CALD1: variants seen among roughly 807,000 people sequenced by gnomAD.
CALD1 encodes the protein caldesmon.
CALD1 carries 33 observed loss-of-function variants against 99.9 expected under a neutral mutation model. The observed-to-expected ratio is 0.33, with a 90% CI of 0.25 to 0.44. CALD1 has a LOEUF of 0.44. CALD1 is among the 20% of genes least tolerant of loss of function. CALD1 has a pLI of 1.00. For synonymous variants in CALD1, 310 were observed against 325.0 expected (o/e 0.95, Z 0.50); for missense variants, 861 against 962.1 (o/e 0.89, Z 1.39).
intron 1 of CALD1, among the ~76,000 whole-genome samples, chr7:134,758,208 A>G (rs1157741925): frequency 6.6e-6 from 1 of 152,254 alleles, no homozygotes; most frequent in African/African-American, 2.4e-5. Context: ...ATGCAAAGCT[A>G]AAGTCAAAAC....
intron 1 of CALD1, among the ~76,000 whole-genome samples, chr7:134,754,943 G>A (rs1360550734): frequency 1.3e-5 from 2 of 151,826 alleles, no homozygotes; most frequent in African/African-American, 4.8e-5. Flanking sequence ...CACCTAGTAA[G>A]GCAAGAGAAT....
intron 1 of CALD1, among the ~76,000 whole-genome samples, chr7:134,764,121 A>C (rs886853574): frequency 2.0e-5 from 3 of 152,026 alleles, no homozygotes; most frequent in African/African-American, 7.3e-5. Flanking sequence ...ATTCCTGGGC[A>C]TGTGGGAGGA....
At chr7:134,835,720 C>G (rs1255715013) in intron 1 of CALD1, among the ~76,000 whole-genome samples, 1 of 152,112 alleles carries the variant, frequency 6.6e-6, no homozygotes. Flanking sequence ...TCGAAAATTT[C>G]TAAGTACAAC....
intron 2 of CALD1, 34 bp from the exon 3 acceptor site, chr7:134,867,659 A>G: frequency 1.3e-6 from 1 of 778,070 alleles, no homozygotes; most frequent in African/African-American, 1.7e-5. Context: ...ACACTGAGTT[A>G]TCAATGATAT....
intron 5 of CALD1, among the ~76,000 whole-genome samples, chr7:134,935,179 A>G (rs1043564159): frequency 1.8e-4 from 28 of 152,138 alleles, no homozygotes; most frequent in African/African-American, 5.8e-4. Flanking sequence ...AATGTTTGTA[A>G]GCTTTGAGAA....
At chr7:134,857,055 A>G (rs1368717899) in intron 2 of CALD1, among the ~76,000 whole-genome samples, 6 of 152,162 alleles carry the variant, frequency 3.9e-5, no homozygotes, top group African/African-American at 1.4e-4. Flanking sequence ...TAATTAAAAT[A>G]CAAGCTATAG....
intron 1 of CALD1, among the ~76,000 whole-genome samples, chr7:134,771,806 G>T (rs1289918497): frequency 6.6e-6 from 1 of 152,098 alleles, no homozygotes; most frequent in Non-Finnish European, 1.5e-5. Flanking sequence ...CTTCTGGAAG[G>T]CTTTTCCTTC....
chr7:134,766,141 CTT>C (rs71172475), intron 1 of CALD1, among the ~76,000 whole-genome samples: 1,866 of 70,652 alleles, frequency 0.026, 21 homozygotes, highest in African/African-American at 0.096. Flanking sequence ...CTTTTCTTTT[CTT>C]TTTTTTTTTT....
chr7:134,938,688 C>T (rs1806186606), intron 6 of CALD1, among the ~76,000 whole-genome samples: 1 of 152,032 alleles, frequency 6.6e-6, no homozygotes, highest in Non-Finnish European at 1.5e-5. Context: ...TTATTCATTT[C>T]CCAGAAAGAG....
At chr7:134,828,994 C>A (rs1052313560) in intron 1 of CALD1, among the ~76,000 whole-genome samples, 12 of 152,170 alleles carry the variant, frequency 7.9e-5, no homozygotes, top group Admixed American at 5.9e-4. Context: ...GCTCCCCCCC[C>A]ATCTTATCAT....
At chr7:134,738,503 A>G in the CALD1 span, among the ~76,000 whole-genome samples, 1 of 152,180 alleles carries the variant, frequency 6.6e-6, no homozygotes, top group Non-Finnish European at 1.5e-5. Context: ...CGTGTGGAAT[A>G]GTCTAAATTC....
intron 1 of CALD1, among the ~76,000 whole-genome samples, chr7:134,773,683 T>A (rs1271637891): frequency 2.0e-5 from 3 of 152,180 alleles, no homozygotes; most frequent in African/African-American, 7.2e-5. Flanking sequence ...TAAAGCCTGA[T>A]TTTCTTGTTC....
chr7:134,946,668 T>C lies in CALD1; in HGVS notation c.1533-840T>C, dbSNP rs548478997. On this transcript the variant is annotated intron_variant, in intron 7 of 14. Coordinates refer to ENST00000361675, the MANE Select transcript of CALD1 (RefSeq NM_033138.4). ...GTTGTAACAGGTAACAAGATCTCCT[T>C]CCTTTTTTTTTTTTTTCTCTTTTTT... is the stretch of plus-strand genomic sequence containing the variant. Among the ~76,000 whole-genome samples the C allele has an allele frequency of 1.2e-3, 182 of 151,738 alleles. 1 individual carries two copies. Among genetic ancestry groups the C allele is most frequent in the African/African-American group, 4.2e-3 (173 of 41,360 alleles).
rs1796772652 is a variant in CALD1 at position 134,761,115 on chromosome 7, A to G, written c.-130+16752A>G. Among the ~76,000 whole-genome samples the G allele has an allele frequency of 2.0e-5, 3 of 152,194 alleles. No homozygotes were observed. The South Asian group carries it at 6.2e-4, about 32-fold the overall frequency. On this transcript the variant is annotated intron_variant, in intron 1 of 13. Coordinates refer to the CALD1 transcript ENST00000417172. ...TCATGTGACCAGTCAGAGATAAATC[A>G]TTAGGACATAAGAAGTGAGAAAAAC...
intron 3 of CALD1, among the ~76,000 whole-genome samples, chr7:134,887,455 GAA>G (rs1260423451): frequency 6.6e-6 from 1 of 152,186 alleles, no homozygotes; most frequent in Non-Finnish European, 1.5e-5. Flanking sequence ...TTCTTCATAA[GAA>G]AATTTATCTC....
chr7:134,753,002 T>C (rs1375540536), intron 1 of CALD1, among the ~76,000 whole-genome samples: 1 of 118,546 alleles, frequency 8.4e-6, no homozygotes, highest in Admixed American at 1.0e-4. Context: ...AGAACGAGAC[T>C]CTGTATCGAA....
At chr7:134,821,708 G>C (rs1179254083) in intron 1 of CALD1, among the ~76,000 whole-genome samples, 2 of 150,344 alleles carry the variant, frequency 1.3e-5, no homozygotes, top group Non-Finnish European at 3.0e-5. Flanking sequence ...TCAGCCTCCT[G>C]AGTAGCTGGG....
intron 3 of CALD1, among the ~76,000 whole-genome samples, chr7:134,903,794 A>G (rs1803169759): frequency 6.6e-6 from 1 of 152,118 alleles, no homozygotes; most frequent in African/African-American, 2.4e-5. Context: ...CCTGTTTCCA[A>G]ATAAGGCCAC....
At chr7:134,872,846 T>C (rs1232434751) in intron 3 of CALD1, among the ~76,000 whole-genome samples, 1 of 152,222 alleles carries the variant, frequency 6.6e-6, no homozygotes, top group Non-Finnish European at 1.5e-5. Context: ...TTAGTTTTGC[T>C]GTTTATTATT....
Sources: allele counts gnomAD v4.1 joint callset (sites outside exome capture counted in the v4.1 genomes callset), GRCh38; gene constraint gnomAD v4.1.1; transcripts MANE v1.5; gene names NCBI Gene and HGNC (gene_info 2026-07-23, HGNC 2026-07-21).